Variants in CARMIL1 observed in about 807,000 individuals in gnomAD.
The protein encoded by CARMIL1 is capping protein regulator and myosin 1 linker 1.
In CARMIL1, 90 loss-of-function variants were observed where a neutral mutation model predicts 177.1. The ratio of observed to expected loss-of-function variants is 0.51; its 90% CI spans 0.43 to 0.61. CARMIL1 has a LOEUF of 0.61. Among genes scored for constraint, CARMIL1 ranks in the 20% least tolerant of loss-of-function variants. The pLI, the probability that CARMIL1 is intolerant of heterozygous loss-of-function variation, is 0.00. For synonymous variants in CARMIL1, 577 were observed against 606.2 expected (o/e 0.95, Z 0.71); for missense variants, 1,380 against 1,667.0 (o/e 0.83, Z 3.00).
chr6:25,465,801 T>A (rs1038173211), intron 8 of CARMIL1, 72 bp from the exon 9 acceptor site: 1 of 879,768 alleles, frequency 1.1e-6, no homozygotes, highest in African/African-American at 1.7e-5. Context: ...TTGGATGTCA[T>A]GGATTAAAAA....
chr6:25,520,703 T>C (rs1223429248), intron 23 of CARMIL1, among the ~76,000 whole-genome samples: 1 of 152,180 alleles, frequency 6.6e-6, no homozygotes, highest in East Asian at 1.9e-4. Flanking sequence ...CCCTCTCTTC[T>C]TTTTTCATCA....
intron 26 of CARMIL1, 130 bp downstream of exon 26, chr6:25,540,208 G>A: frequency 3.7e-6 from 3 of 819,724 alleles, no homozygotes; most frequent in Non-Finnish European, 5.1e-6. Context: ...AGTAAAAATT[G>A]AATACTGTGT....
At chr6:25,418,334 T>C (rs944325472) in intron 2 of CARMIL1, among the ~76,000 whole-genome samples, 54 of 152,296 alleles carry the variant, frequency 3.5e-4, no homozygotes, top group African/African-American at 1.3e-3. Flanking sequence ...GAGTTCATCA[T>C]TTCCCTGCAT....
chr6:25,568,040 A>C (rs911338483), intron 29 of CARMIL1, among the ~76,000 whole-genome samples: 1 of 152,258 alleles, frequency 6.6e-6, no homozygotes, highest in Non-Finnish European at 1.5e-5. Flanking sequence ...CTTTAAAAAA[A>C]TCAAAATATA....
At chr6:25,556,964 C>T in intron 29 of CARMIL1, 114 bp downstream of exon 29, 7 of 1,046,014 alleles carry the variant, frequency 6.7e-6, no homozygotes. Flanking sequence ...ACACTGTCCC[C>T]ACCCTCAGAC....
At position 25,484,155 on chromosome 6, in the gene CARMIL1, G is replaced by T. The variant is rs1014632977; in HGVS notation, c.961+1812G>T. On this transcript the variant is annotated intron_variant, in intron 12 of 36. Transcript: ENST00000329474. Reference sequence around the variant, plus strand: ...TCCTTTCTCTGTGTTCCTTAGCCCTGTGTAAATTCCTCTATCTTAGCATGT... The same window carrying T: ...TCCTTTCTCTGTGTTCCTTAGCCCTTTGTAAATTCCTCTATCTTAGCATGT... Among the ~76,000 whole-genome samples, 3 of 152,278 alleles carry T rather than the reference G, an allele frequency of 2.0e-5. 1 individual carries two copies. The highest frequency in any genetic ancestry group is 6.5e-5 in the Admixed American group (1 of 15,284).
chr6:25,600,225 A>G lies in CARMIL1; in HGVS notation c.3120-89A>G, dbSNP rs1394277370. On this transcript the variant is annotated intron_variant, in intron 32 of 36. Transcript: ENST00000329474. ...GCTTCTGAATGGTTACTGTATATGT[A>G]GCAATCTCCATATTTATATTTTGAC... 21 of 1,231,422 alleles carry G rather than the reference A, an allele frequency of 1.7e-5. No homozygotes were observed. In the South Asian group the frequency reaches 2.5e-4, roughly 15 times the overall value. The allele number at this position is 1,231,422 out of a possible 1,614,324, so 76.3% of individuals were successfully genotyped here. A position where few individuals can be genotyped will look rare whatever the true frequency, so the allele number is the denominator to read the frequency against.
At chr6:25,494,922 C>T (rs1803555398) in intron 15 of CARMIL1, among the ~76,000 whole-genome samples, 189 bp from the exon 16 acceptor site, 1 of 152,240 alleles carries the variant, frequency 6.6e-6, no homozygotes, top group East Asian at 1.9e-4. Flanking sequence ...TATTTCTTTA[C>T]CTCACTTATG....
intron 2 of CARMIL1, among the ~76,000 whole-genome samples, chr6:25,330,223 G>T (rs1785491469): frequency 6.6e-6 from 1 of 152,194 alleles, no homozygotes; most frequent in African/African-American, 2.4e-5. Flanking sequence ...TTATAGACTG[G>T]CGTTGGCCCA....
chr6:25,488,614 C>T (rs529960655), intron 13 of CARMIL1, 29 bp downstream of exon 13: 9 of 1,525,890 alleles, frequency 5.9e-6, no homozygotes, highest in South Asian at 4.5e-5. Flanking sequence ...ATTCCATCTT[C>T]GAAGAAGCTG....
chr6:25,580,252 A>G lies in CARMIL1; in HGVS notation c.2743-672A>G, dbSNP rs566057726. ...ATTTGTGTGATCCTATTGAGGGAGA[A>G]GATAGTGCCTTTCTGAGGGTTGGCT... is the stretch of plus-strand genomic sequence containing the variant. On this transcript the variant is annotated intron_variant, in intron 29 of 36. Coordinates refer to ENST00000329474, the MANE Select transcript of CARMIL1 (RefSeq NM_017640.6). Among the ~76,000 whole-genome samples, 7 of 152,350 alleles carry G rather than the reference A, an allele frequency of 4.6e-5. No homozygotes were observed. The East Asian group carries it at 1.3e-3, about 29-fold the overall frequency.
At chr6:25,417,893 T>C (rs906949645) in intron 2 of CARMIL1, among the ~76,000 whole-genome samples, 3 of 152,122 alleles carry the variant, frequency 2.0e-5, no homozygotes, top group Non-Finnish European at 2.9e-5. Flanking sequence ...GCCACTCTCC[T>C]CAAAGATATT....
At chr6:25,524,813 G>GA in intron 23 of CARMIL1, among the ~76,000 whole-genome samples, 1 of 152,204 alleles carries the variant, frequency 6.6e-6, no homozygotes, top group East Asian at 1.9e-4. Context: ...AAATACTAGA[G>GA]ATAAGAAACC....
chr6:25,455,346 A>G (rs1001407741), intron 8 of CARMIL1, among the ~76,000 whole-genome samples: 1 of 152,184 alleles, frequency 6.6e-6, no homozygotes, highest in Non-Finnish European at 1.5e-5. Context: ...CTTCATACTT[A>G]GAAACATCCA....
intron 29 of CARMIL1, among the ~76,000 whole-genome samples, chr6:25,569,420 G>A (rs1199269484): frequency 6.6e-6 from 1 of 152,140 alleles, no homozygotes; most frequent in Non-Finnish European, 1.5e-5. Flanking sequence ...GGAACCACTT[G>A]CTCTGTGGTT....
intron 2 of CARMIL1, among the ~76,000 whole-genome samples, chr6:25,370,997 A>G (rs1403257946): frequency 6.6e-6 from 1 of 152,152 alleles, no homozygotes; most frequent in African/African-American, 2.4e-5. Context: ...GCTCCCACTT[A>G]TAAGTGAGAA....
chr6:25,422,199 G>T (rs1795920373), intron 3 of CARMIL1, among the ~76,000 whole-genome samples: 1 of 152,138 alleles, frequency 6.6e-6, no homozygotes, highest in Admixed American at 6.5e-5. Flanking sequence ...AATGGGTAAG[G>T]TCTGGTAGAT....
chr6:25,350,131 A>C (rs1336786221), intron 2 of CARMIL1, among the ~76,000 whole-genome samples: 2 of 152,090 alleles, frequency 1.3e-5, no homozygotes, highest in Non-Finnish European at 2.9e-5. Flanking sequence ...TCTCGGTCTA[A>C]GAGAGAGCTG....
chr6:25,522,414 A>G (rs967387524), intron 23 of CARMIL1, among the ~76,000 whole-genome samples: 1 of 152,186 alleles, frequency 6.6e-6, no homozygotes, highest in African/African-American at 2.4e-5. Flanking sequence ...GTCTCAAGGA[A>G]CTCGTTAAAA....
Sources: gnomAD v4.1 joint callset for allele counts (sites outside exome capture counted in the v4.1 genomes callset) on GRCh38, gnomAD v4.1.1 for gene constraint, MANE v1.5 for transcripts, NCBI Gene and HGNC (gene_info 2026-07-23, HGNC 2026-07-21) for gene names.